PCDH15: variants seen among roughly 807,000 people sequenced by gnomAD.
PCDH15 encodes protocadherin related 15.
Under a neutral mutation model 178.5 loss-of-function variants are expected in PCDH15, and 129 were observed. The ratio of observed to expected loss-of-function variants is 0.72; its 90% CI spans 0.63 to 0.84. The LOEUF (loss-of-function observed/expected upper bound fraction) is 0.84, where lower values mean the gene tolerates loss of function less well. Ranked by LOEUF, PCDH15 falls within the 40% of genes least tolerant of loss-of-function variation. The probability of loss-of-function intolerance (pLI) is 0.00; values close to 1 mark genes in which losing one functional copy is unlikely to be tolerated. For missense variants in PCDH15, 2,230 were observed against 2,099.9 expected (o/e 1.06, Z -1.21); for synonymous variants, 800 against 732.0 (o/e 1.09, Z -1.50).
chr10:54,550,565 G>A (rs965168161), intron 2 of PCDH15, among the ~76,000 whole-genome samples: 12 of 152,062 alleles, frequency 7.9e-5, no homozygotes, highest in Admixed American at 5.9e-4. Flanking sequence ...CTGGTTAACT[G>A]AGACTAAACT....
intron 3 of PCDH15, among the ~76,000 whole-genome samples, chr10:54,447,539 T>C (rs555075675): frequency 3.1e-3 from 472 of 151,818 alleles, no homozygotes; most frequent in Non-Finnish European, 5.2e-3. Flanking sequence ...CCCAGGTTCA[T>C]ACGTGTTGTT....
chr10:55,339,219 T>C (rs1218033897), intron 2 of PCDH15, among the ~76,000 whole-genome samples: 2 of 152,148 alleles, frequency 1.3e-5, no homozygotes, highest in Non-Finnish European at 2.9e-5. Context: ...AATTATTACA[T>C]ACTGTATGCC....
At chr10:54,133,621 T>C (rs935175507) in intron 14 of PCDH15, among the ~76,000 whole-genome samples, 1 of 152,178 alleles carries the variant, frequency 6.6e-6, no homozygotes, top group Non-Finnish European at 1.5e-5. Flanking sequence ...GCCCTTATAA[T>C]GACAGGAGCT....
chr10:55,410,036 C>A (rs927271268), intron 2 of PCDH15, among the ~76,000 whole-genome samples: 3 of 151,946 alleles, frequency 2.0e-5, no homozygotes, highest in Admixed American at 2.0e-4. Flanking sequence ...GTTTAAAGGG[C>A]TTAGCACAGC....
At chr10:55,573,512 G>A (rs1054486244) in intron 2 of PCDH15, among the ~76,000 whole-genome samples, 2 of 151,964 alleles carry the variant, frequency 1.3e-5, no homozygotes, top group South Asian at 4.2e-4. Flanking sequence ...TGTATATTAG[G>A]GAATTCTGTC....
intron 3 of PCDH15, among the ~76,000 whole-genome samples, chr10:54,384,635 A>G (rs1203226820): frequency 6.6e-6 from 1 of 152,120 alleles, no homozygotes; most frequent in Non-Finnish European, 1.5e-5. Flanking sequence ...TTTAATTATT[A>G]AAGATTGCAT....
At chr10:54,730,932 CCTT>C (rs928155829) in intron 1 of PCDH15, among the ~76,000 whole-genome samples, 1 of 151,160 alleles carries the variant, frequency 6.6e-6, no homozygotes, top group Non-Finnish European at 1.5e-5. Context: ...AGGCTAAAAA[CCTT>C]CTGCACAGAA....
chr10:54,731,499 G>T (rs1943326861), intron 1 of PCDH15, among the ~76,000 whole-genome samples: 1 of 131,460 alleles, frequency 7.6e-6, no homozygotes, highest in Admixed American at 8.2e-5. Flanking sequence ...CCCAAATTAT[G>T]GAATCAACCA....
intron 2 of PCDH15, among the ~76,000 whole-genome samples, chr10:55,479,362 AT>A (rs577607806): frequency 4.3e-4 from 65 of 151,888 alleles, no homozygotes; most frequent in African/African-American, 1.6e-3. Flanking sequence ...AACATGATAT[AT>A]TATATCAACA....
rs111739360 is a variant in PCDH15 at position 53,903,374 on chromosome 10, G to A, written c.3374-4C>T. ...ATGTATACTTTAGCTGTATTGCCTG[G>A]AGGACAAGAAACGATGCATTTTTTA... On this transcript the variant is annotated splice_region_variant and splice_polypyrimidine_tract_variant and intron_variant, in intron 25 of 37. Transcript: ENST00000644397. 4.2e-3 allele frequency: 6,765 copies of A among 1,612,170 alleles called. 193 individuals are homozygous for A. In the African/African-American group the frequency reaches 0.067, roughly 16 times the overall value.
At chr10:54,464,674 T>C (rs2077404719) in intron 3 of PCDH15, among the ~76,000 whole-genome samples, 2 of 152,196 alleles carry the variant, frequency 1.3e-5, no homozygotes, top group South Asian at 4.1e-4. Context: ...TGTAATTCAT[T>C]AATCTTTACA....
chr10:53,849,146 A>G (rs978410292), intron 28 of PCDH15, among the ~76,000 whole-genome samples: 12 of 152,188 alleles, frequency 7.9e-5, no homozygotes, highest in African/African-American at 2.7e-4. Flanking sequence ...AAAGATAAAA[A>G]GTAGAAAGAA....
At chr10:54,859,814 A>G (rs1953808583) in intron 3 of PCDH15, among the ~76,000 whole-genome samples, 1 of 151,836 alleles carries the variant, frequency 6.6e-6, no homozygotes, top group African/African-American at 2.4e-5. Context: ...AAATTACTTA[A>G]TAATCTGTAA....
chr10:53,856,174 T>C (rs1026169681), intron 28 of PCDH15, among the ~76,000 whole-genome samples: 2 of 151,346 alleles, frequency 1.3e-5, no homozygotes, highest in Non-Finnish European at 2.9e-5. Context: ...TTGGGTACAG[T>C]GTACACTGCT....
chr10:55,140,681 A>T (rs1007567511), intron 2 of PCDH15, among the ~76,000 whole-genome samples: 1 of 152,008 alleles, frequency 6.6e-6, no homozygotes, highest in African/African-American at 2.4e-5. Flanking sequence ...TATTATGGAC[A>T]ATTGATATCA....
chr10:55,372,975 G>T (rs1845543034), intron 2 of PCDH15, among the ~76,000 whole-genome samples: 1 of 152,012 alleles, frequency 6.6e-6, no homozygotes, highest in Non-Finnish European at 1.5e-5. Context: ...ATATTTTTAG[G>T]AGGTTGTAGC....
chr10:53,961,995 A>C (rs2088389950), intron 21 of PCDH15, 103 bp from the exon 22 acceptor site: 2 of 984,756 alleles, frequency 2.0e-6, no homozygotes, highest in Non-Finnish European at 3.1e-6. Context: ...TTTAGAAGTG[A>C]AAATCATATT....
intron 2 of PCDH15, among the ~76,000 whole-genome samples, chr10:55,156,614 T>C (rs1838897762): frequency 6.6e-6 from 1 of 152,156 alleles, no homozygotes; most frequent in African/African-American, 2.4e-5. Context: ...TTGACTCTCT[T>C]ATTAGAGAAG....
At chr10:53,878,810 C>T (rs2080475807) in intron 26 of PCDH15, among the ~76,000 whole-genome samples, 1 of 152,070 alleles carries the variant, frequency 6.6e-6, no homozygotes, top group African/African-American at 2.4e-5. Context: ...AGAAGACTAT[C>T]ATAGTGGTTG....
Sources: gnomAD v4.1 joint callset for allele counts (sites outside exome capture counted in the v4.1 genomes callset) on GRCh38, gnomAD v4.1.1 for gene constraint, MANE v1.5 for transcripts, NCBI Gene and HGNC (gene_info 2026-07-23, HGNC 2026-07-21) for gene names.